The following FBXW11 variants were observed in gnomAD, a reference collection of about 807,000 sequenced individuals.
FBXW11 encodes the protein F-box/WD repeat-containing protein 11.
A neutral mutation model predicts 77.6 loss-of-function variants in FBXW11; 19 were observed. The observed-to-expected ratio is 0.24, with a 90% confidence interval of 0.17 to 0.36. The LOEUF is 0.36. Ranked by LOEUF, FBXW11 falls within the 10% of genes least tolerant of loss-of-function variation. The probability of loss-of-function intolerance (pLI) is 1.00; values close to 1 mark genes in which losing one functional copy is unlikely to be tolerated. For missense variants in FBXW11, 334 were observed against 704.2 expected (o/e 0.47, Z 5.95); for synonymous variants, 235 against 249.4 (o/e 0.94, Z 0.54).
rs974445498 is a variant in FBXW11 at position 171,869,756 on chromosome 5, T to C, written c.1503A>G (p.Ala501=). The C allele has an allele frequency of 6.2e-7, 1 of 1,611,718 alleles. No homozygotes were observed. Among genetic ancestry groups the C allele is most frequent in the African/African-American group, 1.3e-5 (1 of 74,918 alleles). Reference sequence around the variant, plus strand: ...CCAATGTGCGCAAACACAATGTGCTTGCTGGGGCTCGAGGGTCAAGAGCAG... The same window carrying C: ...CCAATGTGCGCAAACACAATGTGCTCGCTGGGGCTCGAGGGTCAAGAGCAG... ...LQAALDPRAP[A]STLCLRTLVE... is the part of the protein sequence containing the mutation. Residue 501 remains alanine (A), a synonymous_variant, in exon 12 of 14, where the codon GCA becomes GCG. Transcript: ENST00000517395. The surrounding 1 kb of genome is among the most constrained non-coding windows in gnomAD (Gnocchi z 4.1).
chr5:171,943,848 C>T (rs1762869348), intron 2 of FBXW11, among the ~76,000 whole-genome samples: 1 of 152,182 alleles, frequency 6.6e-6, no homozygotes, highest in South Asian at 2.1e-4. Context: ...GAATTTAGAG[C>T]ATGCTACTAA....
At chr5:171,866,267 AG>A (rs1242673134) in intron 13 of FBXW11, among the ~76,000 whole-genome samples, 4 of 146,778 alleles carry the variant, frequency 2.7e-5, no homozygotes, top group African/African-American at 1.1e-4. Flanking sequence ...ATTGTCTCAA[AG>A]GGAAAAAAAA....
At chr5:171,958,109 C>T (rs977815705) in intron 1 of FBXW11, among the ~76,000 whole-genome samples, 1 of 152,166 alleles carries the variant, frequency 6.6e-6, no homozygotes, top group Non-Finnish European at 1.5e-5. Context: ...TACAAAACCA[C>T]AAAAAGTGCT....
At chr5:171,950,911 T>A (rs918554940) in intron 2 of FBXW11, among the ~76,000 whole-genome samples, 1 of 152,034 alleles carries the variant, frequency 6.6e-6, no homozygotes, top group Non-Finnish European at 1.5e-5. Context: ...ATAAATAATT[T>A]TTTTTTAATT....
intron 2 of FBXW11, among the ~76,000 whole-genome samples, chr5:171,915,650 T>TGTGTGTGTGTGTGTGTGTGTGTGTGA (rs982596459): frequency 1.4e-4 from 21 of 151,322 alleles, no homozygotes; most frequent in South Asian, 2.1e-4. Context: ...TGTGTGTGTG[T>TGTGTGTGTGTGTGTGTGTGTGTGTGA]GAGCCTGAGC....
intron 3 of FBXW11, among the ~76,000 whole-genome samples, chr5:171,912,430 C>A (rs928609994): frequency 5.3e-5 from 8 of 152,162 alleles, no homozygotes; most frequent in Admixed American, 1.3e-4. Flanking sequence ...GATGAAAAGT[C>A]TTTGCTGTGA....
chr5:171,990,811 CT>C (rs925239320), intron 1 of FBXW11, among the ~76,000 whole-genome samples: 4 of 149,614 alleles, frequency 2.7e-5, no homozygotes, highest in Admixed American at 1.3e-4. Context: ...GAATGAGAAA[CT>C]TTTTTTTTTC....
intron 1 of FBXW11, among the ~76,000 whole-genome samples, chr5:171,991,010 G>A (rs1268402179): frequency 6.6e-6 from 1 of 152,078 alleles, no homozygotes. Context: ...ATTTTTAGTA[G>A]AGACGGGGTT....
chr5:171,963,605 A>G (rs1207583005), intron 1 of FBXW11, among the ~76,000 whole-genome samples: 1 of 152,144 alleles, frequency 6.6e-6, no homozygotes, highest in African/African-American at 2.4e-5. Context: ...TTTTTCTGCA[A>G]CTCAGCAGAT....
intron 2 of FBXW11, among the ~76,000 whole-genome samples, chr5:171,918,718 G>T (rs1003425553): frequency 7.2e-5 from 11 of 152,176 alleles, no homozygotes; most frequent in Non-Finnish European, 1.6e-4. Context: ...ATCAATTTTA[G>T]TACTATTACC....
At position 171,904,696 on chromosome 5, in the gene FBXW11, C is replaced by T. The variant is rs759711204; in HGVS notation, c.437-4596G>A. 3.3e-5 allele frequency among the ~76,000 whole-genome samples: 5 copies of T among 151,940 alleles called. No individual in the cohort carries two copies. The highest frequency in any genetic ancestry group is 6.6e-5 in the Admixed American group (1 of 15,254). On this transcript the variant is annotated intron_variant, in intron 4 of 13. Coordinates refer to ENST00000517395, the MANE Select transcript of FBXW11 (RefSeq NM_001378974.1). The surrounding 1 kb of genome is among the most constrained non-coding windows in gnomAD (Gnocchi z 4.0). ...AAGCGATTCTCCTGCCTCAGCCTCC[C>T]GAGTAGCTGGGACTACAGGCGCACA...
At chr5:171,991,444 T>C (rs1460901516) in intron 1 of FBXW11, among the ~76,000 whole-genome samples, 1 of 152,216 alleles carries the variant, frequency 6.6e-6, no homozygotes, top group Admixed American at 6.5e-5. Flanking sequence ...TTCAACTGAC[T>C]AGCAGATAAA....
chr5:171,942,585 A>G (rs2060216), intron 2 of FBXW11, among the ~76,000 whole-genome samples: 6 of 152,210 alleles, frequency 3.9e-5, no homozygotes, highest in Non-Finnish European at 8.8e-5. Context: ...AGATCACTTG[A>G]GCCCAGGAGT....
At chr5:171,915,834 C>A (rs540842072) in intron 2 of FBXW11, among the ~76,000 whole-genome samples, 4 of 152,006 alleles carry the variant, frequency 2.6e-5, no homozygotes, top group Non-Finnish European at 4.4e-5. Context: ...GACTTGGAAC[C>A]AACCCAAATG....
intron 4 of FBXW11, among the ~76,000 whole-genome samples, chr5:171,906,543 C>A (rs1760538186): frequency 6.6e-6 from 1 of 152,202 alleles, no homozygotes; most frequent in South Asian, 2.1e-4. Context: ...CTTACTACCT[C>A]TGGAGAAGCA....
intron 4 of FBXW11, among the ~76,000 whole-genome samples, chr5:171,905,616 A>G (rs1413299965): frequency 8.0e-6 from 1 of 125,612 alleles, no homozygotes; most frequent in African/African-American, 2.9e-5. Context: ...TTCTTGGTAT[A>G]AGTCTCATGG....
At chr5:171,893,441 A>AAAAAAAAAAAAAAAAC (rs1759517740) in intron 6 of FBXW11, among the ~76,000 whole-genome samples, 1 of 148,614 alleles carries the variant, frequency 6.7e-6, no homozygotes, top group African/African-American at 2.5e-5. Context: ...AAAAAAAAAA[A>AAAAAAAAAAAAAAAAC]AAAAAACTAA....
At chr5:171,893,991 G>T (rs1005206713) in intron 6 of FBXW11, among the ~76,000 whole-genome samples, 1 of 145,220 alleles carries the variant, frequency 6.9e-6, no homozygotes, top group Non-Finnish European at 1.5e-5. Context: ...GGGGATGGGG[G>T]GGAATCTCTA....
intron 2 of FBXW11, among the ~76,000 whole-genome samples, chr5:171,926,353 A>C (rs1761889945): frequency 6.6e-6 from 1 of 152,182 alleles, no homozygotes; most frequent in African/African-American, 2.4e-5. Context: ...TTAAGAGATA[A>C]TCCTGGCACC....
Sources: gnomAD v4.1 joint callset for allele counts (sites outside exome capture counted in the v4.1 genomes callset) on GRCh38, gnomAD v4.1.1 for gene constraint, Gnocchi (gnomAD v3.1) non-coding constraint, MANE v1.5 for transcripts, NCBI Gene and HGNC (gene_info 2026-07-23, HGNC 2026-07-21) for gene names.